IL1RAPL2: variants seen among roughly 807,000 people sequenced by gnomAD.
IL1RAPL2 encodes the protein X-linked interleukin-1 receptor accessory protein-like 2.
In IL1RAPL2, 3 loss-of-function variants were observed where a neutral mutation model predicts 44.1. That is an observed-to-expected ratio of 0.07 (90% CI 0.03 to 0.18). IL1RAPL2 has a LOEUF of 0.18. Ranked by LOEUF, IL1RAPL2 falls within the 10% of genes least tolerant of loss-of-function variation. IL1RAPL2 has a pLI of 1.00. For missense variants in IL1RAPL2, 391 were observed against 496.4 expected (o/e 0.79, Z 2.02); for synonymous variants, 181 against 178.8 (o/e 1.01, Z -0.10).
intron 2 of IL1RAPL2, among the ~76,000 whole-genome samples, chrX:105,040,059 G>C (rs144873936): frequency 1.3e-4 from 14 of 110,309 alleles, no homozygotes; most frequent in Non-Finnish European, 2.6e-4. Context: ...TGTCCCATCA[G>C]TACCTAATTT....
rs769238668 is a variant in IL1RAPL2, at chrX:105,755,280, A to G, written c.1296A>G (p.Pro432=). The G allele has an allele frequency of 8.3e-7, 1 of 1,203,776 alleles. No individual in the cohort carries two copies. Among genetic ancestry groups the G allele is most frequent in the South Asian group, 1.8e-5 (1 of 56,682 alleles). ...EEEQFALEVL[P]DVLEKHYGYK... ...AGCAGTTTGCTCTTGAAGTACTGCC[A>G]GATGTCCTGGAAAAACACTATGGAT... Residue 432 remains proline (P), a synonymous_variant, in exon 10 of 11, where the codon CCA becomes CCG. Coordinates refer to ENST00000372582, the MANE Select transcript of IL1RAPL2 (RefSeq NM_017416.2).
chrX:105,509,448 G>A (rs1268385120), intron 6 of IL1RAPL2, among the ~76,000 whole-genome samples: 1 of 112,107 alleles, frequency 8.9e-6, no homozygotes, highest in Non-Finnish European at 1.9e-5. Flanking sequence ...CTGGACCCAT[G>A]AAATTGGCTT....
At chrX:105,070,830 G>A (rs7883602) in intron 2 of IL1RAPL2, among the ~76,000 whole-genome samples, 4,231 of 109,438 alleles carry the variant, frequency 0.039, 227 homozygotes, top group African/African-American at 0.13. Context: ...CATCTTCAAT[G>A]GTCTGATATA....
intron 6 of IL1RAPL2, among the ~76,000 whole-genome samples, chrX:105,704,741 A>T (rs1035268843): frequency 9.0e-6 from 1 of 110,818 alleles, no homozygotes; most frequent in East Asian, 2.9e-4. Context: ...TATTAAGCCC[A>T]GCATGCATTA....
intron 2 of IL1RAPL2, among the ~76,000 whole-genome samples, chrX:104,990,987 C>A (rs2147731839): frequency 9.0e-6 from 1 of 111,050 alleles, no homozygotes; most frequent in African/African-American, 3.3e-5. Context: ...TGTAAAAAAT[C>A]ATAAGGTGAC....
At chrX:105,427,053 A>T (rs755088100) in intron 5 of IL1RAPL2, among the ~76,000 whole-genome samples, 14 of 113,002 alleles carry the variant, frequency 1.2e-4, no homozygotes, top group Non-Finnish European at 2.1e-4. Flanking sequence ...CACTTGCAGC[A>T]ATACAATATA....
intron 5 of IL1RAPL2, among the ~76,000 whole-genome samples, chrX:105,390,090 T>C (rs2035510104): frequency 8.9e-6 from 1 of 112,046 alleles, no homozygotes; most frequent in Admixed American, 9.5e-5. Flanking sequence ...AGGTTTTTCA[T>C]TATGTTTCCA....
intron 5 of IL1RAPL2, among the ~76,000 whole-genome samples, chrX:105,277,460 G>A (rs1409660447): frequency 9.1e-6 from 1 of 110,248 alleles, no homozygotes; most frequent in African/African-American, 3.4e-5. Context: ...AGCCTACCCA[G>A]CCCACCCTGG....
chrX:104,926,031 A>T (rs1338216032), intron 2 of IL1RAPL2, among the ~76,000 whole-genome samples: 1 of 112,353 alleles, frequency 8.9e-6, no homozygotes, highest in East Asian at 2.8e-4. Context: ...AATCACTAGC[A>T]TTCCTATACA....
intron 2 of IL1RAPL2, among the ~76,000 whole-genome samples, chrX:105,037,640 C>G (rs1316108547): frequency 9.0e-6 from 1 of 111,676 alleles, no homozygotes; most frequent in Non-Finnish European, 1.9e-5. Context: ...CTGAAGAATT[C>G]AAACCCCTTT....
intron 2 of IL1RAPL2, among the ~76,000 whole-genome samples, chrX:105,180,344 C>CAAAAAA (rs1447517527): frequency 3.6e-4 from 36 of 100,798 alleles, no homozygotes; most frequent in African/African-American, 1.4e-3. Context: ...TCTCAAAAAA[C>CAAAAAA]AAAAACAAAA....
intron 2 of IL1RAPL2, among the ~76,000 whole-genome samples, chrX:104,713,653 G>A (rs1931502508): frequency 9.0e-6 from 1 of 110,744 alleles, no homozygotes; most frequent in African/African-American, 3.3e-5. Flanking sequence ...CAGTTAAGTT[G>A]TGTGAGGCTA....
chrX:104,791,005 A>G (rs1364234403), intron 2 of IL1RAPL2, among the ~76,000 whole-genome samples: 1 of 111,732 alleles, frequency 8.9e-6, no homozygotes, highest in Non-Finnish European at 1.9e-5. Context: ...TCATCCTCAT[A>G]ACAACCCTAT....
chrX:105,668,125 T>G (rs2037787013), intron 6 of IL1RAPL2, among the ~76,000 whole-genome samples: 1 of 111,211 alleles, frequency 9.0e-6, no homozygotes, highest in Admixed American at 9.5e-5. Context: ...CTTATAATCT[T>G]TACTGTCCCA....
Position 105,496,555 on chromosome X carries a change from A to C in IL1RAPL2, c.772+12168A>C, listed in dbSNP as rs763950717. On this transcript the variant is annotated intron_variant, in intron 6 of 10. Transcript: ENST00000372582. ...TCCAAGGCATTCAAAGCATGTTTTC[A>C]GGCATCATTTAATTAATTTCTTTGG... 2.7e-5 allele frequency among the ~76,000 whole-genome samples: 3 copies of C among 112,426 alleles called. No individual in the cohort carries two copies. In the Admixed American group the frequency reaches 2.8e-4, roughly 11 times the overall value.
At chrX:105,701,205 G>A (rs2038116687) in intron 6 of IL1RAPL2, among the ~76,000 whole-genome samples, 1 of 111,532 alleles carries the variant, frequency 9.0e-6, no homozygotes, top group African/African-American at 3.3e-5. Flanking sequence ...GCACTATGCA[G>A]GCCAATTAGG....
chrX:105,311,962 T>G (rs1405448716), intron 5 of IL1RAPL2, among the ~76,000 whole-genome samples: 2 of 111,807 alleles, frequency 1.8e-5, no homozygotes, highest in Non-Finnish European at 3.8e-5. Flanking sequence ...TTGTGTGACA[T>G]TGTTTACAAG....
chrX:105,205,913 A>G (rs2033760078), intron 3 of IL1RAPL2, among the ~76,000 whole-genome samples: 1 of 110,606 alleles, frequency 9.0e-6, no homozygotes, highest in Non-Finnish European at 1.9e-5. Context: ...AAGCAATTGT[A>G]TTAGTTGAGG....
chrX:104,841,910 G>A (rs1292257129), intron 2 of IL1RAPL2, among the ~76,000 whole-genome samples: 1 of 109,936 alleles, frequency 9.1e-6, no homozygotes, highest in African/African-American at 3.3e-5. Flanking sequence ...TGTTCTCTGT[G>A]TTTCCTGAAT....
Sources: gnomAD v4.1 joint callset for allele counts (sites outside exome capture counted in the v4.1 genomes callset) on GRCh38, gnomAD v4.1.1 for gene constraint, MANE v1.5 for transcripts, NCBI Gene and HGNC (gene_info 2026-07-23, HGNC 2026-07-21) for gene names.